SPMIP3: variants seen among roughly 807,000 people sequenced by gnomAD.
SPMIP3 encodes the protein sperm microtubule inner protein 3, also known as protein SPMIP3.
the SPMIP3 span, among the ~76,000 whole-genome samples, chr1:244,386,834 GA>G: frequency 6.6e-6 from 1 of 152,170 alleles, no homozygotes; most frequent in Admixed American, 6.5e-5. Flanking sequence ...CTAGAACAGT[GA>G]AAGATTAATG....
chr1:244,376,861 A>C, the SPMIP3 span, among the ~76,000 whole-genome samples: 1 of 151,864 alleles, frequency 6.6e-6, no homozygotes, highest in African/African-American at 2.4e-5. Context: ...CCCAGGCTGA[A>C]GCGCAGTGGC....
chr1:244,357,942 G>A, the SPMIP3 span, among the ~76,000 whole-genome samples: 3 of 152,174 alleles, frequency 2.0e-5, no homozygotes, highest in Admixed American at 6.5e-5. Flanking sequence ...TATTTAATTA[G>A]CTGAGTGTGG....
At chr1:244,354,604 G>A in the SPMIP3 span, among the ~76,000 whole-genome samples, 13 of 152,222 alleles carry the variant, frequency 8.5e-5, no homozygotes, top group African/African-American at 2.2e-4. Context: ...CAAGTGATCC[G>A]CCTGCCTTGG....
At chr1:244,364,713 C>T in the SPMIP3 span, 84 of 1,613,906 alleles carry the variant, frequency 5.2e-5, no homozygotes, top group Middle Eastern at 3.3e-4. Context: ...GACTGCCATC[C>T]GACTACGAGA....
the SPMIP3 span, among the ~76,000 whole-genome samples, chr1:244,361,235 C>CTTTCTTTTTTTTT: frequency 1.2e-3 from 149 of 119,292 alleles, no homozygotes; most frequent in African/African-American, 4.1e-3. Flanking sequence ...TTCTTTCTTT[C>CTTTCTTTTTTTTT]TTTTTTTTTT....
At chr1:244,379,266 T>C in the SPMIP3 span, among the ~76,000 whole-genome samples, 2 of 151,190 alleles carry the variant, frequency 1.3e-5, no homozygotes, top group South Asian at 2.1e-4. Context: ...ATGGTCTCGC[T>C]ATGTTGCCCA....
chr1:244,355,536 C>T, the SPMIP3 span, among the ~76,000 whole-genome samples: 18 of 152,014 alleles, frequency 1.2e-4, no homozygotes, highest in South Asian at 8.3e-4. Context: ...GACAGGCAAG[C>T]GCCACCACGC....
chr1:244,375,383 C>T, the SPMIP3 span: 1,522 of 1,613,578 alleles, frequency 9.4e-4, no homozygotes, highest in Non-Finnish European at 1.2e-3. Context: ...ATATTCATCG[C>T]TCACCAAGGA....
chr1:244,367,052 T>C, the SPMIP3 span, among the ~76,000 whole-genome samples: 7 of 151,930 alleles, frequency 4.6e-5, no homozygotes, highest in South Asian at 1.5e-3. Flanking sequence ...CAGCCGAGCA[T>C]GATGCTGGGT....
chr1:244,366,739 G>C, the SPMIP3 span, among the ~76,000 whole-genome samples: 2 of 152,080 alleles, frequency 1.3e-5, no homozygotes, highest in Non-Finnish European at 2.9e-5. Context: ...AATTAGCCAG[G>C]CGTGGTGGCA....
chr1:244,384,200 T>C, the SPMIP3 span, among the ~76,000 whole-genome samples: 1 of 151,772 alleles, frequency 6.6e-6, no homozygotes, highest in African/African-American at 2.4e-5. Flanking sequence ...ATTGCAGTGG[T>C]TAAAGTTTTT....
the SPMIP3 span, among the ~76,000 whole-genome samples, chr1:244,372,977 C>A: frequency 1.3e-5 from 2 of 152,132 alleles, no homozygotes; most frequent in African/African-American, 4.8e-5. Flanking sequence ...CTCAATCAGC[C>A]CTATCCTCTC....
At chr1:244,354,378 T>C in the SPMIP3 span, among the ~76,000 whole-genome samples, 3 of 143,730 alleles carry the variant, frequency 2.1e-5, no homozygotes, top group Non-Finnish European at 3.0e-5. Context: ...TTTTTTTGAG[T>C]TGGAGTCTCG....
At chr1:244,378,668 C>T in the SPMIP3 span, 3 of 1,594,244 alleles carry the variant, frequency 1.9e-6, no homozygotes, top group South Asian at 2.3e-5. Flanking sequence ...TCTTAACTCT[C>T]TGAGATTAAC....
chr1:244,360,826 G>A, the SPMIP3 span, among the ~76,000 whole-genome samples: 1 of 151,720 alleles, frequency 6.6e-6, no homozygotes, highest in East Asian at 1.9e-4. Context: ...GGAGATTGCA[G>A]TGAGCTGAGA....
chr1:244,365,033 G>A, the SPMIP3 span, among the ~76,000 whole-genome samples: 203 of 152,312 alleles, frequency 1.3e-3, 1 homozygote, highest in Admixed American at 2.5e-3. Flanking sequence ...TATGTGTCTC[G>A]GGTAGCAGTG....
chr1:244,369,540 G>T, the SPMIP3 span, among the ~76,000 whole-genome samples: 1 of 152,126 alleles, frequency 6.6e-6, no homozygotes, highest in Non-Finnish European at 1.5e-5. Context: ...AAGAGCGGAG[G>T]TTTAATAGGC....
the SPMIP3 span, chr1:244,376,527 A>G: frequency 6.6e-6 from 1 of 152,236 alleles, no homozygotes; most frequent in Admixed American, 6.5e-5. Context: ...ACAGTCAAAA[A>G]TGGAATGATT....
the SPMIP3 span, among the ~76,000 whole-genome samples, chr1:244,375,753 C>G: frequency 2.0e-5 from 3 of 152,088 alleles, no homozygotes; most frequent in African/African-American, 7.2e-5. Context: ...CAACCTCCAC[C>G]TCCCAGGTTC....
Sources: allele counts gnomAD v4.1 joint callset (sites outside exome capture counted in the v4.1 genomes callset), GRCh38; gene constraint gnomAD v4.1.1; transcripts MANE v1.5; gene names NCBI Gene and HGNC (gene_info 2026-07-23, HGNC 2026-07-21).